Variants in STK32B observed in about 807,000 individuals in gnomAD.
STK32B encodes the protein serine/threonine-protein kinase 32B.
A neutral mutation model predicts 52.6 loss-of-function variants in STK32B; 43 were observed. That is an observed-to-expected ratio of 0.82 (90% CI 0.64 to 1.05). STK32B has a LOEUF of 1.05. Among genes scored for constraint, STK32B ranks in the 50% least tolerant of loss-of-function variants. The probability of loss-of-function intolerance (pLI) is 0.00; values close to 1 mark genes in which losing one functional copy is unlikely to be tolerated. For synonymous variants in STK32B, 238 were observed against 204.3 expected, an observed-to-expected ratio of 1.17 and a Z score of -1.41; for missense variants, 621 against 534.6, an observed-to-expected ratio of 1.16 and a Z score of -1.59.
intron 3 of STK32B, among the ~76,000 whole-genome samples, chr4:5,199,771 A>G (rs1454840463): frequency 1.1e-5 from 1 of 93,774 alleles, no homozygotes; most frequent in African/African-American, 4.2e-5. Context: ...ACCCCCGCCC[A>G]CCTGGTGAAC....
At chr4:5,401,256 T>G (rs914694134) in intron 5 of STK32B, among the ~76,000 whole-genome samples, 8 of 152,220 alleles carry the variant, frequency 5.3e-5, no homozygotes, top group African/African-American at 1.9e-4. Flanking sequence ...CCATTCGTGC[T>G]GGCATCTACT....
At chr4:5,054,284 G>A (rs1470597195) in intron 1 of STK32B, among the ~76,000 whole-genome samples, 1 of 152,226 alleles carries the variant, frequency 6.6e-6, no homozygotes, top group Non-Finnish European at 1.5e-5. Context: ...CACAGGGTGT[G>A]TAAGTGCCCT....
intron 3 of STK32B, among the ~76,000 whole-genome samples, chr4:5,257,944 A>G (rs1726441846): frequency 6.6e-6 from 1 of 152,122 alleles, no homozygotes; most frequent in Non-Finnish European, 1.5e-5. Context: ...CTCCATCTCA[A>G]AAAAGAAAAA....
At chr4:5,139,849 G>A in intron 1 of STK32B, 56 bp from the exon 2 acceptor site, 2 of 1,602,992 alleles carry the variant, frequency 1.2e-6, no homozygotes, top group South Asian at 2.2e-5. Flanking sequence ...GATATTCAAG[G>A]AGCAATACCA....
chr4:5,069,313 A>G (rs1577047491), intron 1 of STK32B, among the ~76,000 whole-genome samples: 1 of 148,326 alleles, frequency 6.7e-6, no homozygotes, highest in Non-Finnish European at 1.5e-5. Flanking sequence ...TTCTTGAGGG[A>G]GTTTGAGCCC....
chr4:5,082,930 A>G (rs756511350), intron 1 of STK32B, among the ~76,000 whole-genome samples: 7 of 152,140 alleles, frequency 4.6e-5, no homozygotes, highest in Non-Finnish European at 7.3e-5. Flanking sequence ...CTTTCCATTG[A>G]TTGGTATTTT....
At chr4:5,166,652 A>G (rs1718890229) in intron 2 of STK32B, among the ~76,000 whole-genome samples, 1 of 151,702 alleles carries the variant, frequency 6.6e-6, no homozygotes, top group Non-Finnish European at 1.5e-5. Context: ...GAAGAGGCAG[A>G]GGAGGATCCC....
intron 1 of STK32B, among the ~76,000 whole-genome samples, chr4:5,062,864 A>G (rs1742269537): frequency 6.6e-6 from 1 of 152,048 alleles, no homozygotes; most frequent in Non-Finnish European, 1.5e-5. Flanking sequence ...GTGTTTTTGT[A>G]TAATTTGGTG....
intron 6 of STK32B, among the ~76,000 whole-genome samples, chr4:5,433,695 C>T (rs1291287792): frequency 6.6e-6 from 1 of 152,200 alleles, no homozygotes; most frequent in Non-Finnish European, 1.5e-5. Flanking sequence ...GGAAGGCTGT[C>T]AGCTCGCAGG....
intron 3 of STK32B, among the ~76,000 whole-genome samples, chr4:5,316,794 TTATATATTA>T (rs1295503048): frequency 0.05 from 5 of 100 alleles, no homozygotes; most frequent in East Asian, 0.17. Context: ...TACATATATA[TTATATATTA>T]TATATATTAT....
At chr4:5,313,226 C>T (rs775483955) in intron 3 of STK32B, among the ~76,000 whole-genome samples, 2 of 151,676 alleles carry the variant, frequency 1.3e-5, no homozygotes, top group East Asian at 3.9e-4. Context: ...AACACTAGTT[C>T]GATATTTTTA....
chr4:5,286,954 C>T (rs961790195), intron 3 of STK32B, among the ~76,000 whole-genome samples: 6 of 151,920 alleles, frequency 3.9e-5, no homozygotes, highest in East Asian at 1.9e-4. Context: ...TCAGCCACCA[C>T]GCCAGGCTAA....
chr4:5,132,649 C>CTA (rs1715849216), intron 1 of STK32B, among the ~76,000 whole-genome samples: 1 of 152,102 alleles, frequency 6.6e-6, no homozygotes, highest in African/African-American at 2.4e-5. Context: ...CACAGTCCTG[C>CTA]TGACAGCAGG....
At chr4:5,168,218 A>C (rs539979614) in intron 2 of STK32B, 81 bp from the exon 3 acceptor site, 1 of 1,512,558 alleles carries the variant, frequency 6.6e-7, no homozygotes. Context: ...AGAAGTAAAA[A>C]TGCAGTGCGG....
intron 3 of STK32B, among the ~76,000 whole-genome samples, chr4:5,329,449 G>A (rs754968182): frequency 8.5e-5 from 13 of 152,144 alleles, no homozygotes; most frequent in East Asian, 1.9e-4. Context: ...CAGCCTGTGC[G>A]TTCCTGACCC....
chr4:5,433,682 C>T (rs931200596), intron 6 of STK32B, among the ~76,000 whole-genome samples: 4 of 152,194 alleles, frequency 2.6e-5, no homozygotes, highest in Non-Finnish European at 5.9e-5. Context: ...GGAAACAGAT[C>T]CTGGAAGGCT....
chr4:5,444,345 G>T (rs548260100), intron 6 of STK32B, among the ~76,000 whole-genome samples: 1 of 152,214 alleles, frequency 6.6e-6, no homozygotes, highest in Non-Finnish European at 1.5e-5. Flanking sequence ...CAGTATTTGG[G>T]TGGGAGTGAC....
At chr4:5,434,454 G>GTGTGTGTATA (rs1412605937) in intron 6 of STK32B, among the ~76,000 whole-genome samples, 1 of 131,224 alleles carries the variant, frequency 7.6e-6, no homozygotes, top group African/African-American at 2.9e-5. Flanking sequence ...GTGTGTGTGT[G>GTGTGTGTATA]TATATATATA....
chr4:5,184,036 C>G (rs2108756024), intron 3 of STK32B, among the ~76,000 whole-genome samples: 1 of 152,328 alleles, frequency 6.6e-6, no homozygotes, highest in South Asian at 2.1e-4. Flanking sequence ...GTTATGTTCA[C>G]TGGAGTAGCA....
Sources: allele counts gnomAD v4.1 joint callset (sites outside exome capture counted in the v4.1 genomes callset), GRCh38; gene constraint gnomAD v4.1.1; transcripts MANE v1.5; gene names NCBI Gene and HGNC (gene_info 2026-07-23, HGNC 2026-07-21).